RUNDC3B: variants seen among roughly 807,000 people sequenced by gnomAD.
The protein encoded by RUNDC3B is RUN domain-containing protein 3B.
Under a neutral mutation model 58.4 loss-of-function variants are expected in RUNDC3B, and 33 were observed. The observed-to-expected ratio is 0.56, with a 90% CI of 0.43 to 0.75. The LOEUF (loss-of-function observed/expected upper bound fraction) is 0.75, where lower values mean the gene tolerates loss of function less well. RUNDC3B is among the 30% of genes least tolerant of loss of function. The pLI, the probability that RUNDC3B is intolerant of heterozygous loss-of-function variation, is 0.00. For missense variants in RUNDC3B, 501 were observed against 535.7 expected (o/e 0.94, Z 0.64); for synonymous variants, 193 against 195.2 (o/e 0.99, Z 0.10).
At chr7:87,692,345 T>C (rs1828093632) in intron 2 of RUNDC3B, among the ~76,000 whole-genome samples, 1 of 152,152 alleles carries the variant, frequency 6.6e-6, no homozygotes, top group Admixed American at 6.6e-5. Flanking sequence ...TAGTCTTAGC[T>C]ACTCACAAGG....
At chr7:87,729,411 C>T (rs1395408065) in intron 4 of RUNDC3B, among the ~76,000 whole-genome samples, 1 of 152,204 alleles carries the variant, frequency 6.6e-6, no homozygotes, top group African/African-American at 2.4e-5. Context: ...GAAAGAAAAT[C>T]TGTGCATTCA....
At chr7:87,772,259 T>G (rs1834326069) in intron 7 of RUNDC3B, among the ~76,000 whole-genome samples, 1 of 152,150 alleles carries the variant, frequency 6.6e-6, no homozygotes, top group Non-Finnish European at 1.5e-5. Context: ...TGACTTAAAT[T>G]TCTGAAATTT....
At chr7:87,691,691 A>G (rs889607334) in intron 2 of RUNDC3B, among the ~76,000 whole-genome samples, 10 of 152,142 alleles carry the variant, frequency 6.6e-5, no homozygotes, top group Non-Finnish European at 1.2e-4. Flanking sequence ...AAATATTTAT[A>G]TTCCTTCCCA....
intron 9 of RUNDC3B, among the ~76,000 whole-genome samples, chr7:87,811,136 TC>T (rs1314425858): frequency 6.6e-6 from 1 of 152,178 alleles, no homozygotes; most frequent in African/African-American, 2.4e-5. Flanking sequence ...TACATAATCT[TC>T]ATAATCTTAT....
chr7:87,696,190 C>A (rs937924622), intron 2 of RUNDC3B, among the ~76,000 whole-genome samples: 1 of 152,116 alleles, frequency 6.6e-6, no homozygotes, highest in Non-Finnish European at 1.5e-5. Context: ...CTGTTAATGA[C>A]AGCATATCTC....
intron 2 of RUNDC3B, among the ~76,000 whole-genome samples, chr7:87,664,841 T>C (rs1301424689): frequency 1.3e-5 from 2 of 152,140 alleles, no homozygotes; most frequent in African/African-American, 4.8e-5. Context: ...AGTTCCTAGA[T>C]TTGGGGAAGA....
At chr7:87,770,037 C>T (rs946682474) in intron 6 of RUNDC3B, among the ~76,000 whole-genome samples, 1 of 151,844 alleles carries the variant, frequency 6.6e-6, no homozygotes. Flanking sequence ...CTCTGCTTGT[C>T]CTTGTTCCCC....
intron 4 of RUNDC3B, among the ~76,000 whole-genome samples, chr7:87,735,428 T>C (rs1335823801): frequency 6.6e-6 from 1 of 152,184 alleles, no homozygotes; most frequent in African/African-American, 2.4e-5. Flanking sequence ...GTAAAAGAGA[T>C]TATGTCAGCT....
chr7:87,741,230 C>CA (rs942100160), intron 5 of RUNDC3B, among the ~76,000 whole-genome samples: 12 of 149,972 alleles, frequency 8.0e-5, no homozygotes, highest in Admixed American at 1.3e-4. Context: ...AAAAAACAAA[C>CA]AAAAAAACTG....
chr7:87,793,970 A>G (rs1835669545), intron 8 of RUNDC3B, among the ~76,000 whole-genome samples: 1 of 152,230 alleles, frequency 6.6e-6, no homozygotes, highest in African/African-American at 2.4e-5. Context: ...AAACTGATAA[A>G]CAAATTCAGT....
chr7:87,702,039 A>G, intron 3 of RUNDC3B, among the ~76,000 whole-genome samples: 1 of 144,396 alleles, frequency 6.9e-6, no homozygotes, highest in East Asian at 2.2e-4. Context: ...GCTACTTGGG[A>G]GGCTGAGGCA....
intron 6 of RUNDC3B, among the ~76,000 whole-genome samples, chr7:87,749,620 T>C (rs866279174): frequency 6.6e-6 from 1 of 152,166 alleles, no homozygotes; most frequent in Admixed American, 6.5e-5. Context: ...ACACATTTTT[T>C]AAAAATCTAC....
At chr7:87,803,730 A>G (rs1486847748) in intron 8 of RUNDC3B, among the ~76,000 whole-genome samples, 1 of 152,170 alleles carries the variant, frequency 6.6e-6, no homozygotes, top group African/African-American at 2.4e-5. Context: ...TACCTAATAC[A>G]TTTACTTGAT....
intron 9 of RUNDC3B, among the ~76,000 whole-genome samples, chr7:87,812,194 A>C (rs1333513892): frequency 1.3e-5 from 2 of 152,226 alleles, no homozygotes; most frequent in Admixed American, 6.5e-5. Flanking sequence ...TTTACTTGAT[A>C]TCCAATCTCA....
intron 5 of RUNDC3B, 113 bp from the exon 6 acceptor site, chr7:87,741,386 T>A (rs1314249932): frequency 3.5e-5 from 20 of 568,800 alleles, no homozygotes; most frequent in East Asian, 1.9e-4. Flanking sequence ...AACAAAAAAA[T>A]TCGCTTGCCA....
Position 87,709,196 on chromosome 7 carries a change from A to G in RUNDC3B, c.373-1374A>G, listed in dbSNP as rs1583950681. On this transcript the variant is annotated intron_variant, in intron 3 of 10. Coordinates refer to ENST00000394654, the MANE Select transcript of RUNDC3B (RefSeq NM_001134405.2). ...GTTTTGTATGGATTGAAATTAATAA[A>G]TCAGGAAGCAAGATTTTCCCTACAT... 8 of 968,600 alleles carry G rather than the reference A, an allele frequency of 8.3e-6. No homozygotes were observed. The South Asian group carries it at 1.4e-4, about 17-fold the overall frequency. 60.0% of individuals were successfully genotyped at this position (968,600 alleles called of 1,614,324 possible). A position where few individuals can be genotyped will look rare whatever the true frequency, so the allele number is the denominator to read the frequency against.
chr7:87,799,047 T>C (rs1835976753), intron 8 of RUNDC3B, among the ~76,000 whole-genome samples: 1 of 152,210 alleles, frequency 6.6e-6, no homozygotes, highest in Non-Finnish European at 1.5e-5. Flanking sequence ...ACAAGCCATA[T>C]ACATGTTTTC....
At chr7:87,758,020 C>T (rs1833468842) in intron 6 of RUNDC3B, among the ~76,000 whole-genome samples, 1 of 152,102 alleles carries the variant, frequency 6.6e-6, no homozygotes, top group Non-Finnish European at 1.5e-5. Flanking sequence ...GCATTAAAGA[C>T]TTAAATTTAA....
chr7:87,823,523 A>G (rs2130968763), intron 10 of RUNDC3B, among the ~76,000 whole-genome samples: 1 of 151,932 alleles, frequency 6.6e-6, no homozygotes, highest in African/African-American at 2.4e-5. Flanking sequence ...CCATCACCTG[A>G]GCAGTATACA....
Sources: gnomAD v4.1 joint callset for allele counts (sites outside exome capture counted in the v4.1 genomes callset) on GRCh38, gnomAD v4.1.1 for gene constraint, MANE v1.5 for transcripts, NCBI Gene and HGNC (gene_info 2026-07-23, HGNC 2026-07-21) for gene names.